Variants in ERI3 observed in about 807,000 individuals in gnomAD.
ERI3 encodes the protein ERI1 exoribonuclease family member 3, also known as ERI1 exoribonuclease 3.
Under a neutral mutation model 44.4 loss-of-function variants are expected in ERI3, and 18 were observed. The ratio of observed to expected loss-of-function variants is 0.41; its 90% CI spans 0.28 to 0.60. ERI3 has a LOEUF of 0.60. Ranked by LOEUF, ERI3 falls within the 20% of genes least tolerant of loss-of-function variation. The pLI is 0.36. For synonymous variants in ERI3, 183 were observed against 164.8 expected (o/e 1.11, Z -0.84); for missense variants, 294 against 435.5 (o/e 0.68, Z 2.89).
chr1:44,276,180 C>T (rs1645177893), intron 7 of ERI3, among the ~76,000 whole-genome samples: 1 of 152,230 alleles, frequency 6.6e-6, no homozygotes, highest in African/African-American at 2.4e-5. Flanking sequence ...TATTCACTCA[C>T]AATGCAGACA....
At chr1:44,314,295 A>G (rs1056853035) in intron 4 of ERI3, among the ~76,000 whole-genome samples, 16 of 152,212 alleles carry the variant, frequency 1.1e-4, no homozygotes, top group African/African-American at 3.9e-4. Flanking sequence ...TACACCTTTT[A>G]GGGAGAAATT....
Position 44,249,930 on chromosome 1 carries a change from C to T in ERI3, c.832-1892G>A, listed in dbSNP as rs150042176. ...AAGAAATAACAATCTACTCTATCAG[C>T]CTGGAGAAGACGAGCTGGATGGGTT... On this transcript the variant is annotated intron_variant, in intron 7 of 8. Coordinates refer to ENST00000372257, the MANE Select transcript of ERI3 (RefSeq NM_024066.3). 2.8e-3 allele frequency among the ~76,000 whole-genome samples: 428 copies of T among 152,146 alleles called. 3 individuals carry two copies. Among genetic ancestry groups the T allele is most frequent in the African/African-American group, 9.8e-3 (407 of 41,488 alleles).
At position 44,241,623 on chromosome 1, in the gene ERI3, G is replaced by C. The variant is rs1738050; in HGVS notation, c.931+6316C>G. ...GGGTCAGGGCGCTGACATCCCCGCA[G>C]AGTCTATCTGCAAGTGCTAATTTGG... On this transcript the variant is annotated intron_variant, in intron 8 of 8. Coordinates refer to ENST00000372257, the MANE Select transcript of ERI3 (RefSeq NM_024066.3). The surrounding 1 kb of genome is among the most constrained non-coding windows in gnomAD (Gnocchi z 5.6). Among the ~76,000 whole-genome samples the C allele has an allele frequency of 0.71, 108,081 of 152,070 alleles. 39,772 individuals carry two copies. Among genetic ancestry groups the C allele is most frequent in the African/African-American group, 0.92 (38,141 of 41,498 alleles).
intron 6 of ERI3, among the ~76,000 whole-genome samples, chr1:44,291,109 C>T (rs753383910): frequency 6.6e-6 from 1 of 152,144 alleles, no homozygotes; most frequent in Admixed American, 6.5e-5. Context: ...CAATTTAACC[C>T]GAATTAGTGA....
chr1:44,223,117 A>G (rs1643942661), intron 8 of ERI3, among the ~76,000 whole-genome samples: 1 of 152,158 alleles, frequency 6.6e-6, no homozygotes, highest in South Asian at 2.1e-4. Context: ...CAGAGAGGTG[A>G]CACCTTCCCC....
intron 8 of ERI3, among the ~76,000 whole-genome samples, chr1:44,243,006 C>T (rs1488187896): frequency 6.6e-6 from 1 of 152,218 alleles, no homozygotes; most frequent in African/African-American, 2.4e-5. Context: ...GATTCTCCCG[C>T]AGTGACACCT....
At chr1:44,224,005 T>A (rs115694778) in intron 8 of ERI3, among the ~76,000 whole-genome samples, 97 of 152,332 alleles carry the variant, frequency 6.4e-4, no homozygotes, top group Non-Finnish European at 1.1e-3. Flanking sequence ...CACCCTGCTA[T>A]GTTCTCCATC....
At chr1:44,332,653 T>C (rs972762444) in intron 3 of ERI3, among the ~76,000 whole-genome samples, 2 of 152,198 alleles carry the variant, frequency 1.3e-5, no homozygotes, top group Non-Finnish European at 2.9e-5. Flanking sequence ...CTATGTCTGC[T>C]CCAAATACAG....
chr1:44,309,399 G>A (rs1187204710), intron 5 of ERI3, among the ~76,000 whole-genome samples: 1 of 152,070 alleles, frequency 6.6e-6, no homozygotes, highest in Non-Finnish European at 1.5e-5. Context: ...GGAGGCTGAG[G>A]CAGAAGAATT....
At chr1:44,286,554 T>C (rs946981170) in intron 6 of ERI3, among the ~76,000 whole-genome samples, 3 of 152,088 alleles carry the variant, frequency 2.0e-5, no homozygotes, top group Admixed American at 6.5e-5. Flanking sequence ...GGGAACAGAA[T>C]AGAGCGAGGT....
chr1:44,321,809 A>G (rs1474607391), intron 3 of ERI3, among the ~76,000 whole-genome samples: 1 of 152,212 alleles, frequency 6.6e-6, no homozygotes, highest in Non-Finnish European at 1.5e-5. Context: ...ACACAACTGT[A>G]CTTTTCATTT....
chr1:44,284,703 G>C (rs1645355758), intron 7 of ERI3, 132 bp downstream of exon 7: 1 of 697,494 alleles, frequency 1.4e-6, no homozygotes, highest in Non-Finnish European at 2.5e-6. Context: ...TAAGGAAAAG[G>C]ATGAAGTTAA....
At chr1:44,343,894 C>T (rs1452041823) in intron 2 of ERI3, among the ~76,000 whole-genome samples, 1 of 152,132 alleles carries the variant, frequency 6.6e-6, no homozygotes, top group East Asian at 1.9e-4. Flanking sequence ...TTCTACTGTA[C>T]TTACAACTTT....
chr1:44,322,964 C>T, intron 3 of ERI3: 2 of 1,401,788 alleles, frequency 1.4e-6, no homozygotes. Context: ...ACAATGTGCC[C>T]AAGTGCCAGC....
intron 6 of ERI3, among the ~76,000 whole-genome samples, chr1:44,303,326 G>A (rs1054804756): frequency 6.6e-6 from 1 of 152,212 alleles, no homozygotes; most frequent in Admixed American, 6.5e-5. Context: ...TCCTCCTCTA[G>A]TCTATTTGTC....
At chr1:44,263,401 GC>G (rs897337804) in intron 7 of ERI3, among the ~76,000 whole-genome samples, 1 of 152,210 alleles carries the variant, frequency 6.6e-6, no homozygotes, top group Non-Finnish European at 1.5e-5. Flanking sequence ...GGCCACACAG[GC>G]CCACACTGCC....
At chr1:44,284,569 T>G (rs1645353283) in intron 7 of ERI3, among the ~76,000 whole-genome samples, 1 of 152,184 alleles carries the variant, frequency 6.6e-6, no homozygotes, top group South Asian at 2.1e-4. Context: ...CAAAATCTCC[T>G]TAACTGGGAC....
Position 44,295,761 on chromosome 1 carries a change from C to T in ERI3, c.759-10854G>A, listed in dbSNP as rs1032082913. On this transcript the variant is annotated intron_variant, in intron 6 of 8. Transcript: ENST00000372257. ...GGACCAAACAGACTTTTGCATTTGG[C>T]CAATCTTTGGGAAAAATGCAACAAA... Among the ~76,000 whole-genome samples, 3 of 152,286 alleles carry T rather than the reference C, an allele frequency of 2.0e-5. No individual in the cohort carries two copies. In the East Asian group the frequency reaches 5.8e-4, roughly 29 times the overall value.
chr1:44,269,307 C>T (rs1000554326), intron 7 of ERI3, among the ~76,000 whole-genome samples: 34 of 152,174 alleles, frequency 2.2e-4, no homozygotes, highest in African/African-American at 8.0e-4. Flanking sequence ...TAACCCAACA[C>T]CAGAGCCCAC....
Sources: gnomAD v4.1 joint callset for allele counts (sites outside exome capture counted in the v4.1 genomes callset) on GRCh38, gnomAD v4.1.1 for gene constraint, Gnocchi (gnomAD v3.1) non-coding constraint, MANE v1.5 for transcripts, NCBI Gene and HGNC (gene_info 2026-07-23, HGNC 2026-07-21) for gene names.